PKHD1: variants seen among roughly 807,000 people sequenced by gnomAD.
PKHD1 encodes the protein PKHD1 ciliary IPT domain containing fibrocystin/polyductin.
A neutral mutation model predicts 412.0 loss-of-function variants in PKHD1; 291 were observed. The observed-to-expected ratio is 0.71, with a 90% CI of 0.64 to 0.78. The LOEUF (loss-of-function observed/expected upper bound fraction) is 0.78. Ranked by LOEUF, PKHD1 falls within the 30% of genes least tolerant of loss-of-function variation. The pLI is 0.00. For synonymous variants in PKHD1, 1,777 were observed against 1,821.5 expected (o/e 0.98, Z 0.62); for missense variants, 4,825 against 4,950.7 (o/e 0.97, Z 0.76).
chr6:52,032,372 T>G (rs1021747058), intron 29 of PKHD1, among the ~76,000 whole-genome samples: 11 of 152,192 alleles, frequency 7.2e-5, no homozygotes, highest in Non-Finnish European at 1.5e-4. Flanking sequence ...ATTATTATAA[T>G]TCTACCTTGC....
chr6:51,658,174 G>T (rs914957603), intron 61 of PKHD1, among the ~76,000 whole-genome samples: 60 of 152,166 alleles, frequency 3.9e-4, no homozygotes, highest in Non-Finnish European at 2.4e-4. Flanking sequence ...AATAAATTTT[G>T]AATAATAATA....
chr6:51,917,649 C>T (rs1481345038), intron 37 of PKHD1, among the ~76,000 whole-genome samples: 2 of 152,042 alleles, frequency 1.3e-5, no homozygotes, highest in East Asian at 1.9e-4. Flanking sequence ...AAATGGGAAG[C>T]GTACCCTAGG....
intron 11 of PKHD1, among the ~76,000 whole-genome samples, chr6:52,066,373 C>A (rs1013305524): frequency 6.6e-6 from 1 of 152,122 alleles, no homozygotes; most frequent in Non-Finnish European, 1.5e-5. Context: ...TGTCTCCTGA[C>A]CTCAAGGACA....
chr6:51,683,412 G>A (rs186397322), intron 60 of PKHD1, among the ~76,000 whole-genome samples: 27 of 152,044 alleles, frequency 1.8e-4, no homozygotes, highest in Middle Eastern at 3.4e-3. Context: ...GGAACTATAA[G>A]AACAAATACC....
chr6:51,635,033 C>T (rs1461828398), intron 64 of PKHD1, among the ~76,000 whole-genome samples: 1 of 152,124 alleles, frequency 6.6e-6, no homozygotes, highest in Non-Finnish European at 1.5e-5. Context: ...CTCATATGAT[C>T]CTCCTGCTTC....
At position 52,009,922 on chromosome 6, in the gene PKHD1, G is replaced by A. The variant is rs548200336; in HGVS notation, c.5751+387C>T. On this transcript the variant is annotated intron_variant, in intron 35 of 66. Transcript: ENST00000371117. The stretch of plus-strand genomic sequence containing the variant: ...ATGGACCTGCAGACATTGCTGTCCC[G>A]CCAAGCTGAGGACGGCTGAGTGATT... Among the ~76,000 whole-genome samples the A allele has an allele frequency of 5.9e-5, 9 of 151,910 alleles. 1 individual carries two copies. The highest frequency in any genetic ancestry group is 9.7e-5 in the African/African-American group (4 of 41,360).
At chr6:51,844,005 A>T (rs1048681970) in intron 50 of PKHD1, among the ~76,000 whole-genome samples, 1 of 152,268 alleles carries the variant, frequency 6.6e-6, no homozygotes, top group Non-Finnish European at 1.5e-5. Flanking sequence ...AAGAAAATAG[A>T]GGGAGACCCT....
At chr6:51,973,154 T>C (rs1793915992) in intron 35 of PKHD1, among the ~76,000 whole-genome samples, 1 of 152,200 alleles carries the variant, frequency 6.6e-6, no homozygotes, top group South Asian at 2.1e-4. Context: ...AACAGTGGTG[T>C]AAAGCTGGGT....
intron 53 of PKHD1, 59 bp downstream of exon 53, chr6:51,791,177 A>G (rs1793676974): frequency 4.5e-6 from 7 of 1,543,306 alleles, no homozygotes; most frequent in Non-Finnish European, 1.8e-6. Flanking sequence ...TGTTTCCCAG[A>G]GCCCCTTCTC....
chr6:51,625,876 C>G (rs1767163401), intron 66 of PKHD1, among the ~76,000 whole-genome samples: 1 of 152,138 alleles, frequency 6.6e-6, no homozygotes, highest in East Asian at 1.9e-4. Context: ...TTAGAATAAT[C>G]TTAGATGGAA....
At chr6:52,011,980 T>C (rs1799891610) in intron 34 of PKHD1, among the ~76,000 whole-genome samples, 1 of 152,170 alleles carries the variant, frequency 6.6e-6, no homozygotes, top group African/African-American at 2.4e-5. Flanking sequence ...TAGATAGTGG[T>C]CAATTCAAAG....
At chr6:51,953,777 A>G (rs1790725461) in intron 36 of PKHD1, among the ~76,000 whole-genome samples, 1 of 152,084 alleles carries the variant, frequency 6.6e-6, no homozygotes, top group Non-Finnish European at 1.5e-5. Flanking sequence ...ATGGACTTAA[A>G]AAGATCTGAA....
intron 37 of PKHD1, among the ~76,000 whole-genome samples, chr6:51,931,780 C>T (rs1485310504): frequency 6.6e-6 from 1 of 150,878 alleles, no homozygotes; most frequent in Admixed American, 6.6e-5. Context: ...GAATGTTTAA[C>T]CAGTTTTGAA....
chr6:51,868,454 G>A (rs1775437914), intron 47 of PKHD1, among the ~76,000 whole-genome samples: 1 of 151,476 alleles, frequency 6.6e-6, no homozygotes, highest in Non-Finnish European at 1.5e-5. Context: ...CAATTGGGGA[G>A]CTGGCAGTGC....
intron 32 of PKHD1, among the ~76,000 whole-genome samples, chr6:52,023,715 G>T (rs1183577225): frequency 6.6e-6 from 1 of 152,000 alleles, no homozygotes; most frequent in Non-Finnish European, 1.5e-5. Context: ...AATGCTTTTG[G>T]TTTAAGATGC....
chr6:52,072,867 G>C (rs2128232996), intron 7 of PKHD1, among the ~76,000 whole-genome samples: 1 of 152,266 alleles, frequency 6.6e-6, no homozygotes, highest in Admixed American at 6.5e-5. Context: ...CAGTTGCTTA[G>C]AGCTTCCTAC....
At chr6:51,969,410 A>G (rs530592921) in intron 35 of PKHD1, among the ~76,000 whole-genome samples, 1 of 152,144 alleles carries the variant, frequency 6.6e-6, no homozygotes, top group African/African-American at 2.4e-5. Context: ...TTTTTAAAAA[A>G]TTTTTTTAAT....
intron 66 of PKHD1, among the ~76,000 whole-genome samples, chr6:51,626,411 G>A (rs1767250404): frequency 1.3e-5 from 2 of 152,164 alleles, no homozygotes; most frequent in Non-Finnish European, 2.9e-5. Context: ...CAAGGGCAAA[G>A]CATTCATCCC....
At chr6:52,024,523 T>C (rs1264395634) in intron 32 of PKHD1, 51 bp downstream of exon 32, 4 of 1,531,758 alleles carry the variant, frequency 2.6e-6, no homozygotes, top group African/African-American at 2.7e-5. Context: ...TGAAAGGAGC[T>C]ACCAATTCAT....
Sources: allele counts gnomAD v4.1 joint callset (sites outside exome capture counted in the v4.1 genomes callset), GRCh38; gene constraint gnomAD v4.1.1; transcripts MANE v1.5; gene names NCBI Gene and HGNC (gene_info 2026-07-23, HGNC 2026-07-21).